Variants in PCLO observed in about 807,000 individuals in gnomAD.
The protein encoded by PCLO is protein piccolo.
In PCLO, 82 loss-of-function variants were observed where a neutral mutation model predicts 427.5. That is an observed-to-expected ratio of 0.19 (90% CI 0.16 to 0.23). PCLO has a LOEUF of 0.23. Ranked by LOEUF, PCLO falls within the 10% of genes least tolerant of loss-of-function variation. The pLI is 1.00. For missense variants in PCLO, 6,239 were observed against 6,115.9 expected, an observed-to-expected ratio of 1.02 and a Z score of -0.67; for synonymous variants, 2,357 against 2,155.4, an observed-to-expected ratio of 1.09 and a Z score of -2.59.
At chr7:82,972,301 G>A (rs1044749294) in intron 3 of PCLO, among the ~76,000 whole-genome samples, 1 of 152,098 alleles carries the variant, frequency 6.6e-6, no homozygotes, top group South Asian at 2.1e-4. Flanking sequence ...CCAGAGAAGG[G>A]ATGCTACTGT....
At chr7:82,941,091 GT>G (rs5885325) in intron 6 of PCLO, among the ~76,000 whole-genome samples, 2 of 148,580 alleles carry the variant, frequency 1.3e-5, no homozygotes, top group East Asian at 2.0e-4. Context: ...AATCATTAAG[GT>G]TTTTTTTTTA....
At chr7:83,106,898 T>C (rs1412192465) in intron 3 of PCLO, among the ~76,000 whole-genome samples, 1 of 152,136 alleles carries the variant, frequency 6.6e-6, no homozygotes, top group African/African-American at 2.4e-5. Flanking sequence ...GTCATCTCTC[T>C]AGTAAGAAAA....
At chr7:82,904,802 A>G (rs1304902618) in intron 8 of PCLO, among the ~76,000 whole-genome samples, 1 of 152,022 alleles carries the variant, frequency 6.6e-6, no homozygotes, top group Non-Finnish European at 1.5e-5. Context: ...TGTTGAACAT[A>G]TTAATTTTCT....
intron 20 of PCLO, among the ~76,000 whole-genome samples, chr7:82,817,464 G>T (rs1326652961): frequency 1.3e-5 from 2 of 152,042 alleles, no homozygotes; most frequent in African/African-American, 2.4e-5. Context: ...AAAAGAAAAT[G>T]GGATGCTGAT....
In PCLO at chr7:83,146,552, G is replaced by A. The variant is rs1157773680; in HGVS notation, c.1893+8196C>T. On this transcript the variant is annotated intron_variant, in intron 2 of 24. Coordinates refer to ENST00000333891, the MANE Select transcript of PCLO (RefSeq NM_033026.6). Reference sequence around the variant, plus strand: ...TTTTCTCAAGGAATATAAACAATGAGCAAGTTAACCCTTTACTATATTCAG... The same window carrying A: ...TTTTCTCAAGGAATATAAACAATGAACAAGTTAACCCTTTACTATATTCAG... Among the ~76,000 whole-genome samples, 3 of 151,870 alleles carry A rather than the reference G, an allele frequency of 2.0e-5. No individual in the cohort carries two copies. The East Asian group carries it at 5.8e-4, about 29-fold the overall frequency.
chr7:82,937,113 C>T (rs946026431), intron 6 of PCLO, among the ~76,000 whole-genome samples: 2 of 151,650 alleles, frequency 1.3e-5, no homozygotes, highest in Non-Finnish European at 3.0e-5. Context: ...CTGAATTTGT[C>T]ACTGAATTGT....
intron 10 of PCLO, among the ~76,000 whole-genome samples, chr7:82,860,672 G>A (rs760360798): frequency 1.2e-4 from 18 of 151,924 alleles, no homozygotes; most frequent in African/African-American, 3.4e-4. Context: ...TTATTATAAC[G>A]CTGTAACTGT....
intron 3 of PCLO, among the ~76,000 whole-genome samples, chr7:82,991,231 T>A (rs965351738): frequency 2.0e-5 from 3 of 152,156 alleles, no homozygotes; most frequent in Non-Finnish European, 2.9e-5. Context: ...TATCTATCTA[T>A]CTGTGTTGTT....
In PCLO at chr7:82,949,673, C is replaced by T; in HGVS notation, c.10915G>A (p.Ala3639Thr). The T allele has an allele frequency of 1.2e-6, 2 of 1,613,778 alleles. No homozygotes were observed. Among genetic ancestry groups the T allele is most frequent in the Non-Finnish European group, 1.7e-6 (2 of 1,179,830 alleles). Residue 3639 changes from alanine (A) to threonine (T), a missense_variant, in exon 6 of 25, where the codon GCC becomes ACC. This residue lies in a region of PCLO where 4,677 missense variants were observed against 4,468.4 expected (regional missense o/e 1.05). Transcript: ENST00000333891. ...PLSPGKALESAFVPYEKPLPD... is the reference protein window; with the variant it reads ...PLSPGKALESTFVPYEKPLPD... Reference sequence around the variant, plus strand: ...AGGGGTTTTTCATAAGGTACAAAGGCTGATTCTAAGGCTTTGCCTGGTGAA... The same window carrying T: ...AGGGGTTTTTCATAAGGTACAAAGGTTGATTCTAAGGCTTTGCCTGGTGAA...
chr7:82,817,518 C>CCCACCCACTCCCAAACCCAT, intron 20 of PCLO, among the ~76,000 whole-genome samples: 1 of 152,184 alleles, frequency 6.6e-6, no homozygotes, highest in Admixed American at 6.5e-5. Flanking sequence ...CACTCCCAGT[C>CCCACCCACTCCCAAACCCAT]CCACCCACTC....
At chr7:82,911,696 C>G (rs1353633721) in intron 7 of PCLO, among the ~76,000 whole-genome samples, 1 of 152,076 alleles carries the variant, frequency 6.6e-6, no homozygotes, top group Non-Finnish European at 1.5e-5. Flanking sequence ...GATCTCAACT[C>G]ACTGCAACCT....
intron 3 of PCLO, among the ~76,000 whole-genome samples, chr7:83,038,065 T>TTTATATA (rs1349804565): frequency 0.028 from 884 of 31,476 alleles, 75 homozygotes; most frequent in East Asian, 0.12. Flanking sequence ...ATATATATAT[T>TTTATATA]TATATATTTA....
intron 6 of PCLO, among the ~76,000 whole-genome samples, chr7:82,946,545 GA>G (rs1260991619): frequency 6.6e-6 from 1 of 152,140 alleles, no homozygotes; most frequent in African/African-American, 2.4e-5. Context: ...GGTAAAATTT[GA>G]GCAGAAATCT....
In PCLO at chr7:82,946,376, A is replaced by G. The variant is rs1795203882; in HGVS notation, c.11112+3100T>C. Among the ~76,000 whole-genome samples, 5 of 152,220 alleles carry G rather than the reference A, an allele frequency of 3.3e-5. No individual in the cohort carries two copies. In the South Asian group the frequency reaches 1.0e-3, roughly 32 times the overall value. On this transcript the variant is annotated intron_variant, in intron 6 of 24. Transcript: ENST00000333891. ...AGAGAAGCAAAATTCCTGCTCTTGT[A>G]GAGCTTATATTCTACTGGAGAAGAA...
intron 20 of PCLO, among the ~76,000 whole-genome samples, chr7:82,818,495 T>C (rs1037263615): frequency 1.3e-5 from 2 of 152,288 alleles, no homozygotes. Flanking sequence ...GAGGACCATG[T>C]AGGCAGAGAG....
At position 82,956,861 on chromosome 7, in the gene PCLO, T is replaced by G; in HGVS notation, c.4092A>C (p.Gly1364=). The G allele has an allele frequency of 6.2e-7, 1 of 1,613,892 alleles. No homozygotes were observed. Among genetic ancestry groups the G allele is most frequent in the Non-Finnish European group, 8.5e-7 (1 of 1,179,814 alleles). ...PKSPQGLSDT[G]YSSDGISSSL... ...AGCTTGATATTCCATCGGAAGAATA[T>G]CCCGTGTCGCTCAGACCTTGGGGGC... The change falls in exon 5 of 25, where the codon GGA becomes GGC. Residue 1364 remains glycine, a synonymous_variant. Coordinates refer to ENST00000333891, the MANE Select transcript of PCLO (RefSeq NM_033026.6).
chr7:83,031,908 A>G (rs1319971949), intron 3 of PCLO, among the ~76,000 whole-genome samples: 1 of 152,158 alleles, frequency 6.6e-6, no homozygotes, highest in Non-Finnish European at 1.5e-5. Context: ...TACTTTACTT[A>G]AACCCTTTTC....
intron 10 of PCLO, among the ~76,000 whole-genome samples, chr7:82,859,748 T>C (rs1278276839): frequency 2.6e-5 from 4 of 152,002 alleles, no homozygotes; most frequent in African/African-American, 9.7e-5. Context: ...GAAACAATCC[T>C]GGAGAAACAA....
Position 82,952,833 on chromosome 7 carries a change from T to C in PCLO, c.8120A>G (p.Asn2707Ser). ...TIPPEPLALDNIHLEKPQYKE... is the reference protein window; with the variant it reads ...TIPPEPLALDSIHLEKPQYKE... ...ATACTGAGGCTTCTCTAAATGTATG[T>C]TATCTAGAGCAAGAGGCTCTGGAGG... The change falls in exon 5 of 25, where the codon AAC becomes AGC. Residue 2707 changes from asparagine (N) to serine (S), a missense_variant. Physicochemically the swap from Asn to Ser is conservative, Grantham distance 46. Coordinates refer to ENST00000333891, the MANE Select transcript of PCLO (RefSeq NM_033026.6). 6.2e-7 allele frequency: 1 copy of C among 1,613,698 alleles called. No individual in the cohort carries two copies. The highest frequency in any genetic ancestry group is 8.5e-7 in the Non-Finnish European group (1 of 1,179,666).
Sources: allele counts gnomAD v4.1 joint callset (sites outside exome capture counted in the v4.1 genomes callset), GRCh38; gene constraint gnomAD v4.1.1; regional missense constraint gnomAD v4.1.1; transcripts MANE v1.5; gene names NCBI Gene and HGNC (gene_info 2026-07-23, HGNC 2026-07-21).